The following TTC28 variants were observed in gnomAD, a reference collection of about 807,000 sequenced individuals.
TTC28 encodes tetratricopeptide repeat domain 28.
Under a neutral mutation model 198.0 loss-of-function variants are expected in TTC28, and 61 were observed. That is an observed-to-expected ratio of 0.31 (90% confidence interval 0.25 to 0.38). TTC28 has a LOEUF of 0.38. Among genes scored for constraint, TTC28 ranks in the 10% least tolerant of loss-of-function variants. The probability of loss-of-function intolerance (pLI) is 1.00; values close to 1 mark genes in which losing one functional copy is unlikely to be tolerated. For missense variants in TTC28, 2,678 were observed against 3,164.0 expected, an observed-to-expected ratio of 0.85 and a Z score of 3.69; for synonymous variants, 1,171 against 1,297.8, an observed-to-expected ratio of 0.90 and a Z score of 2.10.
intron 12 of TTC28, among the ~76,000 whole-genome samples, chr22:28,053,284 A>G (rs1365823273): frequency 6.6e-6 from 1 of 152,236 alleles, no homozygotes; most frequent in Non-Finnish European, 1.5e-5. Flanking sequence ...CAGAATCTAC[A>G]TGATTCAAAT....
Position 28,105,893 on chromosome 22 carries a change from T to C in TTC28, c.2784-91A>G, listed in dbSNP as rs1282024116. On this transcript the variant is annotated intron_variant, in intron 7 of 22. Coordinates refer to ENST00000397906, the MANE Select transcript of TTC28 (RefSeq NM_001145418.2). ...TGAGAAAATGAAAAGCATTTGTCAC[T>C]GTCACTTACTATAGAAGCTCTTAAC... 26 of 1,398,622 alleles carry C rather than the reference T, an allele frequency of 1.9e-5. No individual in the cohort carries two copies. In the Admixed American group the frequency reaches 7.1e-4, roughly 38 times the overall value. The allele number at this position is 1,398,622 out of a possible 1,614,324, so 86.6% of individuals were successfully genotyped here.
At chr22:28,274,549 C>G (rs1328362600) in intron 5 of TTC28, among the ~76,000 whole-genome samples, 1 of 152,012 alleles carries the variant, frequency 6.6e-6, no homozygotes, top group Non-Finnish European at 1.5e-5. Context: ...AGAACTTGGT[C>G]CTATTTAAGA....
intron 5 of TTC28, among the ~76,000 whole-genome samples, chr22:28,211,753 C>T (rs1047470380): frequency 7.2e-5 from 11 of 152,076 alleles, no homozygotes; most frequent in African/African-American, 2.7e-4. Context: ...ATATCCACGA[C>T]TTGAACTCAA....
chr22:27,995,501 T>C lies in TTC28; in HGVS notation c.5244+634A>G, dbSNP rs193260939. 5.8e-3 allele frequency among the ~76,000 whole-genome samples: 888 copies of C among 152,278 alleles called. 15 individuals are homozygous for C. The highest frequency in any genetic ancestry group is 0.014 in the Middle Eastern group (4 of 294). On this transcript the variant is annotated intron_variant, in intron 17 of 22. Coordinates refer to ENST00000397906, the MANE Select transcript of TTC28 (RefSeq NM_001145418.2). Reference sequence around the variant, plus strand: ...TGCTTCTTGACTCAGTTGATAACTTTACACATGTAGCTGTGGGCCCTCCAT... The same window carrying C: ...TGCTTCTTGACTCAGTTGATAACTTCACACATGTAGCTGTGGGCCCTCCAT...
intron 2 of TTC28, among the ~76,000 whole-genome samples, chr22:28,400,626 CA>C (rs1281281878): frequency 1.3e-5 from 2 of 152,210 alleles, no homozygotes; most frequent in South Asian, 4.2e-4. Context: ...TAAAGCAAAA[CA>C]AAATCCTTTA....
rs540451058 is a variant in TTC28 at position 28,473,459 on chromosome 22, C to T, written c.381+156093G>A. Among the ~76,000 whole-genome samples the T allele has an allele frequency of 2.6e-5, 4 of 152,288 alleles. 1 individual carries two copies. In the South Asian group the frequency reaches 8.3e-4, roughly 32 times the overall value. ...CGCCCAATGGCCAGTTTACTATTGC[C>T]ATGGCAATAACTGGAAGTTACCACC... On this transcript the variant is annotated intron_variant, in intron 2 of 22. Transcript: ENST00000397906.
At chr22:28,245,643 T>TA (rs901748374) in intron 5 of TTC28, among the ~76,000 whole-genome samples, 2 of 152,320 alleles carry the variant, frequency 1.3e-5, no homozygotes, top group Admixed American at 6.5e-5. Flanking sequence ...CATGATGCAC[T>TA]AAAAAAATGC....
At chr22:28,290,348 T>G (rs1177542572) in intron 5 of TTC28, among the ~76,000 whole-genome samples, 2 of 152,190 alleles carry the variant, frequency 1.3e-5, no homozygotes, top group Non-Finnish European at 2.9e-5. Context: ...ATAAAAAACT[T>G]ATATAAAACT....
intron 3 of TTC28, among the ~76,000 whole-genome samples, chr22:28,304,735 C>T (rs1318296533): frequency 2.0e-5 from 3 of 152,112 alleles, no homozygotes; most frequent in African/African-American, 4.8e-5. Context: ...CACATTCACT[C>T]CAATATTCTA....
At chr22:28,170,447 C>G (rs1035080953) in intron 5 of TTC28, among the ~76,000 whole-genome samples, 1 of 151,188 alleles carries the variant, frequency 6.6e-6, no homozygotes, top group Non-Finnish European at 1.5e-5. Flanking sequence ...CAAGATCACA[C>G]CACTGCACTC....
At chr22:28,093,350 T>A (rs954590143) in intron 12 of TTC28, among the ~76,000 whole-genome samples, 9 of 152,172 alleles carry the variant, frequency 5.9e-5, no homozygotes, top group Admixed American at 2.0e-4. Context: ...TGGGACCTGA[T>A]ACAAGCTAAC....
chr22:28,447,236 G>A (rs186045013), intron 2 of TTC28, among the ~76,000 whole-genome samples: 466 of 151,470 alleles, frequency 3.1e-3, no homozygotes, highest in Middle Eastern at 0.014. Context: ...AAGTGAAACA[G>A]AGACAGGTTA....
chr22:28,068,692 G>T lies in TTC28; in HGVS notation c.3932+25388C>A, dbSNP rs548872398. 6.8e-4 allele frequency among the ~76,000 whole-genome samples: 103 copies of T among 152,238 alleles called. 1 individual carries two copies. In the South Asian group the frequency reaches 0.02, roughly 30 times the overall value. ...CAGGGAATTGTATGTAAGATTAAAC[G>T]ATCACTTTAATGTTTGAATAGAAAA... On this transcript the variant is annotated intron_variant, in intron 12 of 22. Coordinates refer to ENST00000397906, the MANE Select transcript of TTC28 (RefSeq NM_001145418.2).
intron 5 of TTC28, among the ~76,000 whole-genome samples, chr22:28,271,373 C>T (rs1196225103): frequency 6.6e-6 from 1 of 152,124 alleles, no homozygotes; most frequent in African/African-American, 2.4e-5. Flanking sequence ...CTTTAGAGCA[C>T]TATAGATGAA....
At chr22:28,606,272 G>A (rs2050733007) in intron 2 of TTC28, among the ~76,000 whole-genome samples, 1 of 151,650 alleles carries the variant, frequency 6.6e-6, no homozygotes, top group Non-Finnish European at 1.5e-5. Context: ...TTTATCTTTA[G>A]TAGAGATGGG....
chr22:28,602,506 A>C (rs2050655663), intron 2 of TTC28, among the ~76,000 whole-genome samples: 1 of 152,224 alleles, frequency 6.6e-6, no homozygotes, highest in Non-Finnish European at 1.5e-5. Context: ...GGGTGATTGC[A>C]CATCATGTCT....
chr22:28,399,315 CTGT>C (rs2046866002), intron 2 of TTC28, among the ~76,000 whole-genome samples: 2 of 133,110 alleles, frequency 1.5e-5, no homozygotes. Flanking sequence ...GAGACTAAAA[CTGT>C]TTTTTTTTTT....
chr22:28,432,761 T>C (rs900240984), intron 2 of TTC28, among the ~76,000 whole-genome samples: 1 of 152,228 alleles, frequency 6.6e-6, no homozygotes, highest in African/African-American at 2.4e-5. Flanking sequence ...CCTTTATTGA[T>C]AGTAGTCATT....
intron 3 of TTC28, among the ~76,000 whole-genome samples, chr22:28,305,884 C>A (rs2045134508): frequency 6.6e-6 from 1 of 152,164 alleles, no homozygotes; most frequent in Non-Finnish European, 1.5e-5. Flanking sequence ...TCAATCCATT[C>A]TTTTGTTTGT....
Sources: allele counts gnomAD v4.1 joint callset (sites outside exome capture counted in the v4.1 genomes callset), GRCh38; gene constraint gnomAD v4.1.1; transcripts MANE v1.5; gene names NCBI Gene and HGNC (gene_info 2026-07-23, HGNC 2026-07-21).